Variants in VSIG10L2 observed in about 807,000 individuals in gnomAD.
VSIG10L2 encodes the protein V-set and immunoglobulin domain-containing protein 10-like 2.
VSIG10L2 carries 56 observed loss-of-function variants against 67.1 expected under a neutral mutation model. The ratio of observed to expected loss-of-function variants is 0.83; its 90% CI spans 0.67 to 1.04. The LOEUF (loss-of-function observed/expected upper bound fraction) is 1.04. Ranked by LOEUF, VSIG10L2 falls within the 50% of genes least tolerant of loss-of-function variation. The probability of loss-of-function intolerance (pLI) is 0.00; values close to 1 mark genes in which losing one functional copy is unlikely to be tolerated. For synonymous variants in VSIG10L2, 360 were observed against 396.6 expected (o/e 0.91, Z 1.10); for missense variants, 843 against 932.8 (o/e 0.90, Z 1.25).
intron 8 of VSIG10L2, among the ~76,000 whole-genome samples, chr11:125,954,678 C>T (rs929958480): frequency 9.9e-5 from 15 of 152,200 alleles, no homozygotes; most frequent in Admixed American, 9.2e-4. Context: ...CAGGAGCCGA[C>T]TCTGTGCCTC....
chr11:125,951,252 C>A (rs1945365244), intron 5 of VSIG10L2, 94 bp downstream of exon 5: 7 of 1,187,434 alleles, frequency 5.9e-6, no homozygotes, highest in Non-Finnish European at 6.3e-6. Flanking sequence ...ATCTGGGTGG[C>A]TCTCCAGACC....
Position 125,955,687 on chromosome 11 carries a change from A to G in VSIG10L2, c.2284+20A>G. The G allele has an allele frequency of 3.3e-6, 5 of 1,532,032 alleles. No individual in the cohort carries two copies. The highest frequency in any genetic ancestry group is 3.5e-6 in the Non-Finnish European group (4 of 1,144,210). The allele number at this position is 1,532,032 out of a possible 1,614,324, so 94.9% of individuals were successfully genotyped here. A position where few individuals can be genotyped will look rare whatever the true frequency, so the allele number is the denominator to read the frequency against. ...CGGCAGGTAAGCACCTTATCCAGAA[A>G]AAGACGACTCGTGTACAAGGAGACC... On this transcript the variant is annotated intron_variant, in intron 11 of 11. Coordinates refer to ENST00000686984, the MANE Select transcript of VSIG10L2 (RefSeq NM_001365077.2).
chr11:125,952,096 G>T, intron 6 of VSIG10L2, 23 bp downstream of exon 6: 2 of 1,519,638 alleles, frequency 1.3e-6, no homozygotes. Context: ...TAGCGAGTTT[G>T]TTCTGGGGCT....
At position 125,952,019 on chromosome 11, in the gene VSIG10L2, T is replaced by A. The variant is rs1449426412; in HGVS notation, c.1441T>A (p.Cys481Ser). ...QEDLAGREFTCRGTHLLRTPD... is the reference protein window; with the variant it reads ...QEDLAGREFTSRGTHLLRTPD... ...AGATCTGGCTGGCAGAGAGTTCACC[T>A]GCCGGGGCACTCACCTGCTCAGGAC... is the stretch of plus-strand genomic sequence containing the variant. The change falls in exon 6 of 12, where the codon TGC becomes AGC. Residue 481 changes from cysteine to serine, a missense_variant. Physicochemically the swap from Cys to Ser is moderately radical, Grantham distance 112 (BLOSUM62 -1). This residue lies in a region of VSIG10L2 where 397 missense variants were observed against 384.4 expected (regional missense o/e 1.03). Coordinates refer to ENST00000686984, the MANE Select transcript of VSIG10L2 (RefSeq NM_001365077.2). 1.3e-6 allele frequency: 2 copies of A among 1,535,936 alleles called. No homozygotes were observed. Among genetic ancestry groups the A allele is most frequent in the Non-Finnish European group, 1.7e-6 (2 of 1,146,832 alleles).
rs1377798341 is a variant in VSIG10L2 at position 125,955,815 on chromosome 11, A to T, written c.2285-2A>T. The T allele has an allele frequency of 3.9e-6, 3 of 771,954 alleles. No individual in the cohort carries two copies. Among genetic ancestry groups the T allele is most frequent in the Non-Finnish European group, 6.6e-6 (3 of 451,156 alleles). The allele number at this position is 771,954 out of a possible 1,614,324, so 47.8% of individuals were successfully genotyped here. On this transcript the variant is annotated splice_acceptor_variant, in intron 11 of 11. Coordinates refer to ENST00000686984, the MANE Select transcript of VSIG10L2 (RefSeq NM_001365077.2). LOFTEE classifies it high-confidence loss of function. The stretch of plus-strand genomic sequence containing the variant: ...TTCTTTGCCCACATATGCTCTTCAT[A>T]GGCCTTGAAACACCAACCACCACCC...
intron 9 of VSIG10L2, 130 bp downstream of exon 9, chr11:125,955,309 C>T: frequency 7.8e-7 from 1 of 1,281,328 alleles, no homozygotes; most frequent in Non-Finnish European, 1.0e-6. Context: ...GACCCTCTCC[C>T]CAGTGCTAGA....
intron 9 of VSIG10L2, among the ~76,000 whole-genome samples, 82 bp from the exon 10 acceptor site, chr11:125,955,400 C>A (rs571105407): frequency 9.2e-5 from 14 of 152,214 alleles, no homozygotes; most frequent in Non-Finnish European, 1.8e-4. Context: ...TAGTACAGAG[C>A]CCACTGGGAA....
In VSIG10L2 at chr11:125,946,541, ATTC is replaced by A. The variant is rs1341358419; in HGVS notation, c.82+407_82+409del. ...ATTGGTTTCTGGGTTACATATTTTT[ATTC>A]TTTTTTTTTTTTTGAGATGGAGTCT... is the stretch of plus-strand genomic sequence containing the variant. On this transcript the variant is annotated intron_variant, in intron 1 of 11. Transcript: ENST00000686984. The surrounding 1 kb of genome is among the most constrained non-coding windows in gnomAD (Gnocchi z 4.4). Among the ~76,000 whole-genome samples the A allele has an allele frequency of 8.2e-5, 10 of 121,722 alleles. No homozygotes were observed. Among genetic ancestry groups the A allele is most frequent in the African/African-American group, 2.7e-4 (10 of 36,406 alleles). 79.9% of individuals were successfully genotyped at this position (121,722 alleles called of 152,430 possible).
intron 3 of VSIG10L2, among the ~76,000 whole-genome samples, chr11:125,949,317 T>TA (rs956413326): frequency 3.6e-4 from 55 of 151,924 alleles, no homozygotes; most frequent in South Asian, 8.3e-4. Flanking sequence ...GAACGTGTTA[T>TA]AAAAAAAAAT....
intron 7 of VSIG10L2, among the ~76,000 whole-genome samples, 181 bp from the exon 8 acceptor site, chr11:125,953,906 C>G (rs924089205): frequency 1.3e-5 from 2 of 152,214 alleles, no homozygotes; most frequent in African/African-American, 4.8e-5. Flanking sequence ...GGCAGGATCG[C>G]CTTTCATTTT....
At position 125,955,913 on chromosome 11, in the gene VSIG10L2, A is replaced by G. The variant is rs1167806359; in HGVS notation, c.2381A>G (p.Ter794=). The stretch of plus-strand genomic sequence containing the variant: ...ACCATCACAGTGACTGCAACACCAT[A>G]AGGCCCAAAGAGGAAGATGCAAATA... ...NVTITVTATP[*] The change falls in exon 12 of 12, where the codon TAA becomes TGA. Residue 794 remains the stop codon, a stop_retained_variant. Transcript: ENST00000686984. 6 of 657,926 alleles carry G rather than the reference A, an allele frequency of 9.1e-6. No individual in the cohort carries two copies. The highest frequency in any genetic ancestry group is 1.6e-5 in the Non-Finnish European group (6 of 365,920). 40.8% of individuals were successfully genotyped at this position (657,926 alleles called of 1,614,324 possible).
In VSIG10L2 at chr11:125,953,476, C is replaced by T; in HGVS notation, c.1572C>T (p.Leu524=). 1.9e-5 allele frequency: 23 copies of T among 1,232,364 alleles called. No individual in the cohort carries two copies. The highest frequency in any genetic ancestry group is 2.3e-5 in the Non-Finnish European group (23 of 988,166). 76.3% of individuals were successfully genotyped at this position (1,232,364 alleles called of 1,614,324 possible). A position where few individuals can be genotyped will look rare whatever the true frequency, so the allele number is the denominator to read the frequency against. ...GAGAGGCCTGGCTGGAGTGCTCTCT[C>T]CGCGGGGGCACACCACCTGCCCAGC... ...EGGEAWLECS[L]RGGTPPAQLL... is the part of the protein sequence containing the mutation. The change falls in exon 7 of 12, where the codon CTC becomes CTT. Residue 524 remains leucine, a synonymous_variant. Coordinates refer to ENST00000686984, the MANE Select transcript of VSIG10L2 (RefSeq NM_001365077.2).
chr11:125,954,275 A>T lies in VSIG10L2; in HGVS notation c.1975A>T (p.Ser659Cys). ...ETAASDIEPESRGRRLGGLDP... is the reference protein window; with the variant it reads ...ETAASDIEPECRGRRLGGLDP... ...AGCAGCTAGTGACATCGAGCCAGAG[A>T]GCCGAGGACGGCGGCTGGGGGGCTT... The change falls in exon 8 of 12, where the codon AGC becomes TGC. Residue 659 changes from serine (S) to cysteine (C), a missense_variant. Physicochemically the swap from Ser to Cys is moderately radical, Grantham distance 112 (BLOSUM62 -1). Transcript: ENST00000686984. 8.1e-7 allele frequency: 1 copy of T among 1,232,156 alleles called. No homozygotes were observed. The highest frequency in any genetic ancestry group is 1.0e-6 in the Non-Finnish European group (1 of 988,050). 76.3% of individuals were successfully genotyped at this position (1,232,156 alleles called of 1,614,324 possible).
In VSIG10L2 at chr11:125,955,054, T is replaced by C; in HGVS notation, c.2084-3T>C. On this transcript the variant is annotated splice_region_variant and splice_polypyrimidine_tract_variant and intron_variant, in intron 8 of 11. Transcript: ENST00000686984. Reference sequence around the variant, plus strand: ...CCATGGAACCTGTGCTCTCCCCTCCTAGCGGACCCCCCCTTCAGCGCCTAC... The same window carrying C: ...CCATGGAACCTGTGCTCTCCCCTCCCAGCGGACCCCCCCTTCAGCGCCTAC... 1 of 1,234,974 alleles carries C rather than the reference T, an allele frequency of 8.1e-7. No homozygotes were observed. Among genetic ancestry groups the C allele is most frequent in the Non-Finnish European group, 1.0e-6 (1 of 990,108 alleles). 76.5% of individuals were successfully genotyped at this position (1,234,974 alleles called of 1,614,324 possible).
chr11:125,955,558 A>G, intron 10 of VSIG10L2, 52 bp downstream of exon 10: 1 of 1,424,838 alleles, frequency 7.0e-7, no homozygotes, highest in Non-Finnish European at 9.5e-7. Flanking sequence ...CTCCAGTTGG[A>G]AAGGAAAGCG....
At position 125,947,933 on chromosome 11, in the gene VSIG10L2, G is replaced by A. The variant is rs1945318749; in HGVS notation, c.330G>A (p.Gly110=). The change falls in exon 2 of 12, where the codon GGG becomes GGA. Residue 110 remains glycine (G), a synonymous_variant. Coordinates refer to ENST00000686984, the MANE Select transcript of VSIG10L2 (RefSeq NM_001365077.2). ...TGAGGAACAGCAGCCTGGTGCTGGG[G>A]GAGCTTCACGAGGGTGCCCGTGGCC... The part of the protein sequence containing the change: ...VSLRNSSLVL[G]ELHEGARGHF... The A allele has an allele frequency of 8.1e-7, 1 of 1,232,200 alleles. No homozygotes were observed. Among genetic ancestry groups the A allele is most frequent in the Admixed American group, 4.2e-5 (1 of 23,708 alleles). The allele number at this position is 1,232,200 out of a possible 1,614,324, so 76.3% of individuals were successfully genotyped here.
chr11:125,954,225 G>T lies in VSIG10L2; in HGVS notation c.1925G>T (p.Gly642Val). ...GTGCAGCGGAAGGCCAGTGCCCTGG[G>T]CCCAGGAGCTGGGGCGTGGGAGACA... The part of the protein sequence containing the change: ...FLVQRKASAL[G>V]PGAGAWETAA... Residue 642 changes from glycine to valine, a missense_variant, in exon 8 of 12, where the codon GGC becomes GTC. Transcript: ENST00000686984. The T allele has an allele frequency of 8.1e-7, 1 of 1,232,284 alleles. No homozygotes were observed. Among genetic ancestry groups the T allele is most frequent in the Non-Finnish European group, 1.0e-6 (1 of 988,078 alleles). 76.3% of individuals were successfully genotyped at this position (1,232,284 alleles called of 1,614,324 possible). A position where few individuals can be genotyped will look rare whatever the true frequency, so the allele number is the denominator to read the frequency against.
intron 6 of VSIG10L2, among the ~76,000 whole-genome samples, 179 bp from the exon 7 acceptor site, chr11:125,953,221 T>G (rs745420337): frequency 6.6e-6 from 1 of 152,156 alleles, no homozygotes; most frequent in Non-Finnish European, 1.5e-5. Context: ...TGGCGCACAC[T>G]GTGACAGGAA....
chr11:125,946,148 C>T lies in VSIG10L2; in HGVS notation c.82+11C>T, dbSNP rs1321042521. 2 of 399,044 alleles carry T rather than the reference C, an allele frequency of 5.0e-6. No individual in the cohort carries two copies. Among genetic ancestry groups the T allele is most frequent in the Non-Finnish European group, 8.8e-6 (2 of 226,106 alleles). 24.7% of individuals were successfully genotyped at this position (399,044 alleles called of 1,614,324 possible). A position where few individuals can be genotyped will look rare whatever the true frequency, so the allele number is the denominator to read the frequency against. On this transcript the variant is annotated intron_variant, in intron 1 of 11. Transcript: ENST00000686984. The surrounding 1 kb of genome is among the most constrained non-coding windows in gnomAD (Gnocchi z 4.4). ...ACCTGAGGGCCTCAGGTGAGTGATA[C>T]TCAGACCCCCCAGGGGGTTCATTTC...
Sources: gnomAD v4.1 joint callset for allele counts (sites outside exome capture counted in the v4.1 genomes callset) on GRCh38, gnomAD v4.1.1 for gene constraint, gnomAD v4.1.1 regional missense constraint, Gnocchi (gnomAD v3.1) non-coding constraint, MANE v1.5 for transcripts, NCBI Gene and HGNC (gene_info 2026-07-23, HGNC 2026-07-21) for gene names.